The following UNC45B variants were observed in gnomAD, a reference collection of about 807,000 sequenced individuals.
UNC45B encodes the protein unc-45 myosin chaperone B.
In UNC45B, 78 loss-of-function variants were observed where a neutral mutation model predicts 98.7. The observed-to-expected ratio is 0.79, with a 90% confidence interval of 0.66 to 0.95. The LOEUF is 0.95. Ranked by LOEUF, UNC45B falls within the 40% of genes least tolerant of loss-of-function variation. The pLI is 0.00. For missense variants in UNC45B, 1,225 were observed against 1,184.9 expected, an observed-to-expected ratio of 1.03 and a Z score of -0.50; for synonymous variants, 462 against 480.4, an observed-to-expected ratio of 0.96 and a Z score of 0.50.
At position 35,171,368 on chromosome 17, in the gene UNC45B, A is replaced by G. The variant is rs1177372150; in HGVS notation, c.1736A>G (p.Asn579Ser). ...ILYSVATTLV[N>S]CTNSYDVKEV... The stretch of plus-strand genomic sequence containing the variant: ...TACTCGGTGGCCACCACCCTGGTGA[A>G]CTGCACCAACAGCTACGATGTCAAG... Residue 579 changes from asparagine (N) to serine (S), a missense_variant, in exon 13 of 20, where the codon AAC becomes AGC. Transcript: ENST00000394570. 4 of 1,614,178 alleles carry G rather than the reference A, an allele frequency of 2.5e-6. No homozygotes were observed. The highest frequency in any genetic ancestry group is 3.4e-6 in the Non-Finnish European group (4 of 1,180,028).
At chr17:35,183,985 C>T (rs1014051798) in intron 19 of UNC45B, among the ~76,000 whole-genome samples, 1 of 152,190 alleles carries the variant, frequency 6.6e-6, no homozygotes, top group South Asian at 2.1e-4. Context: ...GGCACAATGA[C>T]CAGCTCCTAT....
rs1305012581 is a variant in UNC45B at position 35,177,017 on chromosome 17, G to A, written c.2026G>A (p.Ala676Thr). Residue 676 changes from alanine (A) to threonine (T), a missense_variant and splice_region_variant, in exon 16 of 20, where the codon GCC (alanine) becomes ACC (threonine). Transcript: ENST00000394570. ...GTIVAQGGGK[A>T]LIPLALEGTD... ...GTAGTGACCTTGCCCTTTCTTGCAG[G>A]CCCTGATTCCCCTGGCTTTGGAGGG... 6 of 1,613,616 alleles carry A rather than the reference G, an allele frequency of 3.7e-6. No individual in the cohort carries two copies. The highest frequency in any genetic ancestry group is 1.7e-4 in the Middle Eastern group (1 of 6,058).
In UNC45B at chr17:35,186,630, A is replaced by C. The variant is rs3744366; in HGVS notation, c.*71A>C. 1 of 1,555,140 alleles carries C rather than the reference A, an allele frequency of 6.4e-7. No homozygotes were observed. Among genetic ancestry groups the C allele is most frequent in the Admixed American group, 1.8e-5 (1 of 56,440 alleles). On this transcript the variant is annotated 3_prime_UTR_variant, in exon 20 of 20. Coordinates refer to ENST00000394570, the MANE Select transcript of UNC45B (RefSeq NM_001267052.2). ...GTCCTGGGTTGGTTGGGTTCTCCTG[A>C]AGAGTCAGGTCATCTAGGGATCATA... is the stretch of plus-strand genomic sequence containing the variant.
chr17:35,176,955 G>A (rs2092238120), intron 15 of UNC45B, 62 bp from the exon 16 acceptor site: 1 of 1,340,590 alleles, frequency 7.5e-7, no homozygotes, highest in Non-Finnish European at 1.1e-6. Flanking sequence ...CCTGGAGCAG[G>A]AGGATAGGCG....
chr17:35,148,771 T>C (rs2091995022), intron 2 of UNC45B, among the ~76,000 whole-genome samples: 1 of 152,138 alleles, frequency 6.6e-6, no homozygotes, highest in African/African-American at 2.4e-5. Context: ...TCCCAAGTAG[T>C]AGCAGAGCCG....
chr17:35,177,003 G>A lies in UNC45B; in HGVS notation c.2026-14G>A. 6.2e-7 allele frequency: 1 copy of A among 1,608,170 alleles called. No individual in the cohort carries two copies. Among genetic ancestry groups the A allele is most frequent in the South Asian group, 1.1e-5 (1 of 90,838 alleles). ...ATGTCTGTGACTAAGTAGTGACCTT[G>A]CCCTTTCTTGCAGGCCCTGATTCCC... On this transcript the variant is annotated splice_polypyrimidine_tract_variant and intron_variant, in intron 15 of 19. Coordinates refer to ENST00000394570, the MANE Select transcript of UNC45B (RefSeq NM_001267052.2).
At chr17:35,176,151 C>T (rs1224672813) in intron 15 of UNC45B, 117 bp downstream of exon 15, 14 of 1,001,316 alleles carry the variant, frequency 1.4e-5, no homozygotes, top group South Asian at 4.2e-5. Context: ...CAGTTATCTG[C>T]GCTGTCTGTG....
At position 35,183,468 on chromosome 17, in the gene UNC45B, G is replaced by C. The variant is rs141514222; in HGVS notation, c.2415G>C (p.Lys805Asn). 1.7e-5 allele frequency: 28 copies of C among 1,602,694 alleles called. No homozygotes were observed. The highest frequency in any genetic ancestry group is 2.1e-5 in the Non-Finnish European group (25 of 1,174,142). ...TGGCTGACGGGAATGACCGGCTGAA[G>C]CTGGTGGTGCTGCTCTGCGGGGAGG... Reference protein sequence around the residue: ...RFLADGNDRLKLVVLLCGEDD... With the variant: ...RFLADGNDRLNLVVLLCGEDD... The change falls in exon 19 of 20, where the codon AAG becomes AAC. Residue 805 changes from lysine to asparagine, a missense_variant. Physicochemically the swap from Lys to Asn is moderately conservative, Grantham distance 94. Coordinates refer to ENST00000394570, the MANE Select transcript of UNC45B (RefSeq NM_001267052.2).
chr17:35,178,971 G>T (rs578165359), intron 17 of UNC45B, among the ~76,000 whole-genome samples: 2 of 152,230 alleles, frequency 1.3e-5, no homozygotes, highest in East Asian at 3.9e-4. Flanking sequence ...GTCAGGTAGC[G>T]TGATACCTGA....
At chr17:35,180,765 C>T in intron 18 of UNC45B, 89 bp downstream of exon 18, 1 of 912,302 alleles carries the variant, frequency 1.1e-6, no homozygotes, top group Non-Finnish European at 1.7e-6. Context: ...ATCGGGAGCT[C>T]TTATGATGGC....
At chr17:35,154,763 A>G in intron 6 of UNC45B, 22 bp downstream of exon 6, 1 of 1,556,102 alleles carries the variant, frequency 6.4e-7, no homozygotes, top group East Asian at 2.3e-5. Flanking sequence ...GCTGTGGGGC[A>G]TGTGGAGCAG....
chr17:35,149,278 T>C (rs1440069456), intron 3 of UNC45B, among the ~76,000 whole-genome samples: 1 of 152,188 alleles, frequency 6.6e-6, no homozygotes, highest in Admixed American at 6.5e-5. Context: ...AAGGATTGGA[T>C]TTCATCTCAA....
In UNC45B at chr17:35,152,886, T is replaced by A; in HGVS notation, c.382-7T>A. ...GCCTCCTTCCCCACTCCCTCCTCTCTCCTCAGCTCCGAGTGCAGTTCTCCA... is the reference window on the plus strand; with the variant it reads ...GCCTCCTTCCCCACTCCCTCCTCTCACCTCAGCTCCGAGTGCAGTTCTCCA... On this transcript the variant is annotated splice_polypyrimidine_tract_variant and splice_region_variant and intron_variant, in intron 4 of 19. Coordinates refer to ENST00000394570, the MANE Select transcript of UNC45B (RefSeq NM_001267052.2). 6.2e-7 allele frequency: 1 copy of A among 1,613,630 alleles called. No individual in the cohort carries two copies. Among genetic ancestry groups the A allele is most frequent in the Non-Finnish European group, 8.5e-7 (1 of 1,179,550 alleles).
At chr17:35,151,288 G>A (rs562419882) in intron 4 of UNC45B, 82 of 182,220 alleles carry the variant, frequency 4.5e-4, no homozygotes, top group African/African-American at 2.1e-3. Flanking sequence ...GGCCCCACAC[G>A]AGCGGCGCCG....
rs754204161 is a variant in UNC45B, at chr17:35,180,637, G to A, written c.2334G>A (p.Ala778=). Reference sequence around the variant, plus strand: ...AGAATCATGATCAGCTGCGGCAGGCGGCCACCGAGTGCATGTGCAACATGG... The same window carrying A: ...AGAATCATGATCAGCTGCGGCAGGCAGCCACCGAGTGCATGTGCAACATGG... ...MFENHDQLRQ[A]ATECMCNMVL... The change falls in exon 18 of 20, where the codon GCG becomes GCA. Residue 778 remains alanine, a synonymous_variant. Coordinates refer to ENST00000394570, the MANE Select transcript of UNC45B (RefSeq NM_001267052.2). 2.5e-5 allele frequency: 40 copies of A among 1,613,810 alleles called. No homozygotes were observed. Among genetic ancestry groups the A allele is most frequent in the Admixed American group, 2.3e-4 (14 of 59,992 alleles).
intron 3 of UNC45B, 51 bp from the exon 4 acceptor site, chr17:35,149,997 G>A: frequency 6.6e-7 from 1 of 1,518,444 alleles, no homozygotes; most frequent in Non-Finnish European, 8.8e-7. Flanking sequence ...TGGGGCTGGT[G>A]GTCTGTAGTC....
intron 17 of UNC45B, among the ~76,000 whole-genome samples, chr17:35,178,490 C>T (rs920813017): frequency 1.3e-5 from 2 of 152,046 alleles, no homozygotes; most frequent in African/African-American, 2.4e-5. Flanking sequence ...CTGTAGGTTG[C>T]CTGTTCATTC....
At position 35,186,353 on chromosome 17, in the gene UNC45B, G is replaced by C; in HGVS notation, c.2584G>C (p.Val862Leu). 1 of 1,614,180 alleles carries C rather than the reference G, an allele frequency of 6.2e-7. No individual in the cohort carries two copies. Among genetic ancestry groups the C allele is most frequent in the Non-Finnish European group, 8.5e-7 (1 of 1,180,032 alleles). Residue 862 changes from valine to leucine, a missense_variant, in exon 20 of 20, where the codon GTC becomes CTC. Val to Leu is a conservative substitution (Grantham distance 32). Transcript: ENST00000394570. ...GCTTTGCCTGCACGACCAGCTGTCTGTCCAACACCGGGGCCTGGTCATTGC... is the reference window on the plus strand; with the variant it reads ...GCTTTGCCTGCACGACCAGCTGTCTCTCCAACACCGGGGCCTGGTCATTGC... Reference protein sequence around the residue: ...QRLCLHDQLSVQHRGLVIAYN... With the variant: ...QRLCLHDQLSLQHRGLVIAYN...
intron 13 of UNC45B, among the ~76,000 whole-genome samples, chr17:35,172,647 C>T (rs2092196414): frequency 6.6e-6 from 1 of 152,122 alleles, no homozygotes. Flanking sequence ...CAGGGCTTGC[C>T]CAGGGTTGTC....
Sources: gnomAD v4.1 joint callset for allele counts (sites outside exome capture counted in the v4.1 genomes callset) on GRCh38, gnomAD v4.1.1 for gene constraint, MANE v1.5 for transcripts, NCBI Gene and HGNC (gene_info 2026-07-23, HGNC 2026-07-21) for gene names.